DLG2: variants seen among roughly 807,000 people sequenced by gnomAD.
DLG2 encodes discs large MAGUK scaffold protein 2.
In DLG2, 45 loss-of-function variants were observed where a neutral mutation model predicts 132.5. That is an observed-to-expected ratio of 0.34 (90% confidence interval 0.27 to 0.44). The LOEUF is 0.44. Ranked by LOEUF, DLG2 falls within the 20% of genes least tolerant of loss-of-function variation. The pLI is 1.00. For synonymous variants in DLG2, 424 were observed against 419.6 expected (o/e 1.01, Z -0.13); for missense variants, 1,045 against 1,196.9 (o/e 0.87, Z 1.87).
chr11:84,269,755 A>G (rs2097695487), intron 7 of DLG2, among the ~76,000 whole-genome samples: 1 of 152,226 alleles, frequency 6.6e-6, no homozygotes, highest in Non-Finnish European at 1.5e-5. Context: ...TCTAGCAGCA[A>G]GATGAGCATA....
chr11:84,626,847 ATATTT>A lies in DLG2; in HGVS notation c.358-92121_358-92117del, dbSNP rs1555110160. On this transcript the variant is annotated intron_variant, in intron 6 of 27. Transcript: ENST00000376104. The stretch of plus-strand genomic sequence containing the variant: ...GGAAGCCAAGTGGCTCATCAATTAC[ATATTT>A]TATTTTATTTTATTTTATTTTATTT... Among the ~76,000 whole-genome samples, 116 of 144,106 alleles carry A rather than the reference ATATTT, an allele frequency of 8.0e-4. 1 individual carries two copies. Among genetic ancestry groups the A allele is most frequent in the East Asian group, 2.9e-3 (14 of 4,910 alleles). 94.5% of individuals were successfully genotyped at this position (144,106 alleles called of 152,430 possible). A position where few individuals can be genotyped will look rare whatever the true frequency, so the allele number is the denominator to read the frequency against.
At chr11:85,538,766 C>G (rs894607692) in intron 3 of DLG2, among the ~76,000 whole-genome samples, 1 of 151,784 alleles carries the variant, frequency 6.6e-6, no homozygotes, top group African/African-American at 2.4e-5. Flanking sequence ...TGCATGTTCT[C>G]ACTCATAAAT....
rs370715597 is a variant in DLG2 at position 84,237,421 on chromosome 11, T to C, written c.573+13817A>G. Among the ~76,000 whole-genome samples the C allele has an allele frequency of 1.2e-4, 18 of 152,340 alleles. 1 individual carries two copies. Among genetic ancestry groups the C allele is most frequent in the African/African-American group, 4.3e-4 (18 of 41,576 alleles). ...TTTATTCGTTCCTCTCAGCATGCCA[T>C]TTGACCTATCTGAATTTGTTATTTC... On this transcript the variant is annotated intron_variant, in intron 8 of 27. Coordinates refer to ENST00000376104, the MANE Select transcript of DLG2 (RefSeq NM_001142699.3).
chr11:84,218,176 G>C (rs1249904567), intron 8 of DLG2, among the ~76,000 whole-genome samples: 2 of 144,390 alleles, frequency 1.4e-5, no homozygotes, highest in African/African-American at 2.6e-5. Flanking sequence ...AAGAAAGAGA[G>C]AAAGAAAAAG....
At chr11:85,583,996 T>C (rs2078797358) in intron 3 of DLG2, among the ~76,000 whole-genome samples, 1 of 152,192 alleles carries the variant, frequency 6.6e-6, no homozygotes. Flanking sequence ...GTTTATTTTT[T>C]TCTAATTTTA....
chr11:84,749,725 T>A lies in DLG2; in HGVS notation c.358-214994A>T, dbSNP rs535468910. 1.9e-4 allele frequency among the ~76,000 whole-genome samples: 29 copies of A among 152,220 alleles called. 1 individual carries two copies. Among genetic ancestry groups the A allele is most frequent in the African/African-American group, 3.1e-4 (13 of 41,562 alleles). On this transcript the variant is annotated intron_variant, in intron 6 of 27. Coordinates refer to ENST00000376104, the MANE Select transcript of DLG2 (RefSeq NM_001142699.3). The stretch of plus-strand genomic sequence containing the variant: ...GGCTGTTTTTGTACAATTTCTATTT[T>A]AAAAAAATATATATAAGGAAACTAA...
intron 6 of DLG2, among the ~76,000 whole-genome samples, chr11:84,656,751 T>A (rs955876760): frequency 3.3e-5 from 5 of 152,168 alleles, no homozygotes; most frequent in Non-Finnish European, 5.9e-5. Flanking sequence ...AGAACCCTGG[T>A]ATCTTCATCT....
intron 4 of DLG2, among the ~76,000 whole-genome samples, chr11:85,274,447 G>A (rs2077755823): frequency 1.3e-5 from 2 of 152,142 alleles, no homozygotes; most frequent in African/African-American, 2.4e-5. Flanking sequence ...TTTCACAACA[G>A]TATCCAACTT....
intron 3 of DLG2, among the ~76,000 whole-genome samples, chr11:85,518,041 A>G (rs1353319783): frequency 6.6e-6 from 1 of 152,168 alleles, no homozygotes; most frequent in Non-Finnish European, 1.5e-5. Flanking sequence ...TGGAACTGTA[A>G]GTCCAAATAA....
At chr11:84,409,143 CCT>C (rs1438066129) in intron 7 of DLG2, among the ~76,000 whole-genome samples, 3 of 152,164 alleles carry the variant, frequency 2.0e-5, no homozygotes, top group Non-Finnish European at 4.4e-5. Context: ...AGAAAGCGCT[CCT>C]CTTTTATATC....
intron 6 of DLG2, among the ~76,000 whole-genome samples, chr11:85,044,024 A>G (rs1383014419): frequency 6.6e-6 from 1 of 151,990 alleles, no homozygotes; most frequent in Non-Finnish European, 1.5e-5. Flanking sequence ...ACTAGGAACT[A>G]CCCTAAACTA....
intron 3 of DLG2, among the ~76,000 whole-genome samples, chr11:85,517,865 C>A (rs1020300987): frequency 6.6e-6 from 1 of 152,050 alleles, no homozygotes. Context: ...GCAGGTCTTT[C>A]CTGTGCTGTT....
intron 15 of DLG2, among the ~76,000 whole-genome samples, chr11:83,890,518 G>A (rs903577453): frequency 2.0e-5 from 3 of 151,182 alleles, no homozygotes; most frequent in African/African-American, 7.3e-5. Flanking sequence ...CACTGTGATG[G>A]GGAAGGAGCA....
chr11:84,650,851 G>A (rs1280818504), intron 6 of DLG2, among the ~76,000 whole-genome samples: 1 of 78,920 alleles, frequency 1.3e-5, no homozygotes, highest in Non-Finnish European at 2.5e-5. Flanking sequence ...TTTCCTGTAT[G>A]TGTGTGTGTG....
At chr11:84,425,030 A>C (rs555485994) in intron 7 of DLG2, among the ~76,000 whole-genome samples, 1 of 152,202 alleles carries the variant, frequency 6.6e-6, no homozygotes. Context: ...AGATTTTTCC[A>C]ATCTATACCT....
chr11:84,899,772 T>A (rs983789233), intron 6 of DLG2, among the ~76,000 whole-genome samples: 4 of 152,072 alleles, frequency 2.6e-5, no homozygotes, highest in South Asian at 2.1e-4. Flanking sequence ...AAGGTAAAGC[T>A]ATGCATTAGC....
intron 7 of DLG2, among the ~76,000 whole-genome samples, chr11:84,502,330 CTTTCTTTCTTTCTTTCTTT>C (rs2099217956): frequency 4.9e-5 from 1 of 20,494 alleles, no homozygotes; most frequent in Non-Finnish European, 8.8e-5. Flanking sequence ...TTCTTTCTTT[CTTTCTTTCTTTCTTTCTTT>C]CTTTCTTTCT....
intron 3 of DLG2, among the ~76,000 whole-genome samples, chr11:85,479,865 T>C (rs1166436809): frequency 6.6e-6 from 1 of 152,182 alleles, no homozygotes; most frequent in Admixed American, 6.5e-5. Flanking sequence ...TGTCTTCACA[T>C]TGTCTTCTGT....
chr11:83,668,164 T>C (rs2153566377), intron 18 of DLG2, among the ~76,000 whole-genome samples: 1 of 151,664 alleles, frequency 6.6e-6, no homozygotes, highest in East Asian at 1.9e-4. Flanking sequence ...GCAATGGCTA[T>C]GTCTGGCATC....
Sources: allele counts gnomAD v4.1 joint callset (sites outside exome capture counted in the v4.1 genomes callset), GRCh38; gene constraint gnomAD v4.1.1; transcripts MANE v1.5; gene names NCBI Gene and HGNC (gene_info 2026-07-23, HGNC 2026-07-21).